The following TAFA4 variants were observed in gnomAD, a reference collection of about 807,000 sequenced individuals.
TAFA4 encodes the protein TAFA chemokine like family member 4.
A neutral mutation model predicts 21.1 loss-of-function variants in TAFA4; 20 were observed. The observed-to-expected ratio is 0.95, with a 90% CI of 0.67 to 1.38. The LOEUF is 1.38. Among genes scored for constraint, TAFA4 ranks in the 40% most tolerant of loss-of-function variants. The pLI, the probability that TAFA4 is intolerant of heterozygous loss-of-function variation, is 0.00. For synonymous variants in TAFA4, 71 were observed against 67.4 expected (o/e 1.05, Z -0.26); for missense variants, 211 against 180.9 (o/e 1.17, Z -0.95).
chr3:68,782,343 T>G (rs1029996300), intron 3 of TAFA4, among the ~76,000 whole-genome samples: 1 of 152,092 alleles, frequency 6.6e-6, no homozygotes, highest in African/African-American at 2.4e-5. Flanking sequence ...AAAACGTAAG[T>G]GTTGGCAAAG....
At position 68,866,740 on chromosome 3, in the gene TAFA4, A is replaced by C. The variant is rs539067930; in HGVS notation, c.130+13990T>G. On this transcript the variant is annotated intron_variant, in intron 3 of 5. Transcript: ENST00000295569. ...ATCAGATGAACAACAACAACAACAA[A>C]AAACAAATCCTGGAACTGAGAAATT... Among the ~76,000 whole-genome samples, 73 of 151,724 alleles carry C rather than the reference A, an allele frequency of 4.8e-4. 1 individual carries two copies. In the South Asian group the frequency reaches 0.015, roughly 31 times the overall value.
At chr3:68,805,846 C>T (rs1009004599) in intron 3 of TAFA4, among the ~76,000 whole-genome samples, 6 of 151,960 alleles carry the variant, frequency 3.9e-5, no homozygotes, top group East Asian at 1.9e-4. Context: ...AGGAGATATA[C>T]CTAATGCTAA....
chr3:68,849,250 A>T (rs372089453), intron 3 of TAFA4, among the ~76,000 whole-genome samples: 30 of 152,166 alleles, frequency 2.0e-4, no homozygotes, highest in African/African-American at 7.2e-4. Context: ...AAATTCTTCT[A>T]TGCTTCTCTG....
At chr3:68,738,727 A>G (rs1232685903) in intron 5 of TAFA4, among the ~76,000 whole-genome samples, 1 of 152,186 alleles carries the variant, frequency 6.6e-6, no homozygotes, top group Non-Finnish European at 1.5e-5. Context: ...AGGTATTTCT[A>G]CTTGAGTAAA....
At chr3:68,753,240 T>C (rs1199178379) in intron 3 of TAFA4, among the ~76,000 whole-genome samples, 1 of 151,884 alleles carries the variant, frequency 6.6e-6, no homozygotes, top group African/African-American at 2.4e-5. Flanking sequence ...AAATGAGGCC[T>C]CCAGGATCCT....
chr3:68,863,872 C>T (rs1311974176), intron 3 of TAFA4, among the ~76,000 whole-genome samples: 2 of 151,994 alleles, frequency 1.3e-5, no homozygotes, highest in African/African-American at 4.8e-5. Context: ...AGCAACTTCA[C>T]CTAAGTAACA....
chr3:68,838,295 G>A (rs1035453182), intron 3 of TAFA4, among the ~76,000 whole-genome samples: 9 of 152,154 alleles, frequency 5.9e-5, no homozygotes, highest in South Asian at 2.1e-4. Flanking sequence ...AATTAAGTGC[G>A]CTAACTGAGC....
At chr3:68,878,514 C>A (rs2089579551) in intron 3 of TAFA4, among the ~76,000 whole-genome samples, 1 of 152,102 alleles carries the variant, frequency 6.6e-6, no homozygotes, top group African/African-American at 2.4e-5. Context: ...AACATATTTG[C>A]TACCCTCTTG....
intron 3 of TAFA4, among the ~76,000 whole-genome samples, chr3:68,809,216 A>G (rs1256505830): frequency 1.3e-5 from 2 of 152,268 alleles, no homozygotes; most frequent in African/African-American, 4.8e-5. Context: ...CTACTCAAAT[A>G]TGATGATAGA....
intron 3 of TAFA4, among the ~76,000 whole-genome samples, chr3:68,880,343 T>G (rs1395406139): frequency 6.6e-6 from 1 of 152,024 alleles, no homozygotes; most frequent in Admixed American, 6.6e-5. Context: ...AAGTGTTAGT[T>G]TAAGTTTATC....
At chr3:68,776,659 T>G (rs78565679) in intron 3 of TAFA4, among the ~76,000 whole-genome samples, 13,253 of 152,184 alleles carry the variant, frequency 0.087, 710 homozygotes, top group African/African-American at 0.14. Flanking sequence ...CAGCTGGACT[T>G]ACTTACTATT....
chr3:68,799,181 C>A (rs1703519320), intron 3 of TAFA4, among the ~76,000 whole-genome samples: 2 of 152,114 alleles, frequency 1.3e-5, no homozygotes, highest in South Asian at 4.1e-4. Context: ...TATCTTAGTC[C>A]ATTCAGGCTG....
intron 3 of TAFA4, among the ~76,000 whole-genome samples, chr3:68,768,730 A>T (rs1229192249): frequency 1.3e-5 from 2 of 152,198 alleles, no homozygotes; most frequent in Non-Finnish European, 2.9e-5. Flanking sequence ...AAAATATCGT[A>T]TATATACACA....
At chr3:68,768,227 T>G (rs899554648) in intron 3 of TAFA4, among the ~76,000 whole-genome samples, 1 of 151,936 alleles carries the variant, frequency 6.6e-6, no homozygotes, top group Non-Finnish European at 1.5e-5. Flanking sequence ...AGGGGTAAGA[T>G]CCAGAATATA....
At chr3:68,812,551 A>G (rs1243104102) in intron 3 of TAFA4, among the ~76,000 whole-genome samples, 1 of 152,202 alleles carries the variant, frequency 6.6e-6, no homozygotes, top group Non-Finnish European at 1.5e-5. Context: ...CAGACTTTAA[A>G]CCAACAAAAA....
chr3:68,810,088 T>A (rs1168262122), intron 3 of TAFA4, among the ~76,000 whole-genome samples: 2 of 152,222 alleles, frequency 1.3e-5, no homozygotes, highest in Admixed American at 6.5e-5. Context: ...ATTTTAGAAT[T>A]CTTTTTTCCT....
intron 3 of TAFA4, among the ~76,000 whole-genome samples, chr3:68,864,437 C>A (rs2089390644): frequency 6.6e-6 from 1 of 152,080 alleles, no homozygotes; most frequent in Admixed American, 6.6e-5. Flanking sequence ...ATTAAAGATA[C>A]AGACAATACT....
intron 3 of TAFA4, among the ~76,000 whole-genome samples, chr3:68,837,980 CA>C (rs1241980359): frequency 4.6e-5 from 7 of 152,118 alleles, no homozygotes; most frequent in African/African-American, 1.7e-4. Context: ...AGCTAATTAA[CA>C]TATGCATTGC....
At chr3:68,810,735 C>T (rs1186025281) in intron 3 of TAFA4, among the ~76,000 whole-genome samples, 2 of 152,214 alleles carry the variant, frequency 1.3e-5, no homozygotes, top group African/African-American at 4.8e-5. Flanking sequence ...CTGCAGACTC[C>T]ACCTCTGGGG....
Sources: allele counts gnomAD v4.1 joint callset (sites outside exome capture counted in the v4.1 genomes callset), GRCh38; gene constraint gnomAD v4.1.1; transcripts MANE v1.5; gene names NCBI Gene and HGNC (gene_info 2026-07-23, HGNC 2026-07-21).